The following MPPED2 variants were observed in gnomAD, a reference collection of about 807,000 sequenced individuals.
MPPED2 encodes metallophosphoesterase domain containing 2.
Under a neutral mutation model 33.0 loss-of-function variants are expected in MPPED2, and 5 were observed. The ratio of observed to expected loss-of-function variants is 0.15; its 90% CI spans 0.08 to 0.32. The LOEUF (loss-of-function observed/expected upper bound fraction) is 0.32, where lower values mean the gene tolerates loss of function less well. Ranked by LOEUF, MPPED2 falls within the 10% of genes least tolerant of loss-of-function variation. The pLI is 1.00. For synonymous variants in MPPED2, 136 were observed against 141.9 expected (o/e 0.96, Z 0.29); for missense variants, 275 against 372.1 (o/e 0.74, Z 2.15).
At chr11:30,516,478 AAAC>A (rs1485345119) in intron 3 of MPPED2, among the ~76,000 whole-genome samples, 4 of 152,212 alleles carry the variant, frequency 2.6e-5, no homozygotes, top group African/African-American at 9.6e-5. Context: ...ACTGGAATGA[AAAC>A]AGTTAATTAT....
At chr11:30,555,621 C>T (rs910618759) in intron 2 of MPPED2, among the ~76,000 whole-genome samples, 1 of 152,106 alleles carries the variant, frequency 6.6e-6, no homozygotes, top group Non-Finnish European at 1.5e-5. Flanking sequence ...AAGGGCAGAC[C>T]CCCTGCACAT....
chr11:30,402,850 TCAGAACA>T (rs1156589887), intron 6 of MPPED2, among the ~76,000 whole-genome samples: 1 of 152,210 alleles, frequency 6.6e-6, no homozygotes, highest in Non-Finnish European at 1.5e-5. Flanking sequence ...TTTCTGAATC[TCAGAACA>T]CAGATTCCAT....
chr11:30,411,665 AC>A, intron 6 of MPPED2, 79 bp from the exon 7 acceptor site: 3 of 1,339,080 alleles, frequency 2.2e-6, no homozygotes, highest in Non-Finnish European at 3.0e-6. Context: ...GGCAAGGAAA[AC>A]AAAAAATTTT....
intron 6 of MPPED2, chr11:30,388,978 A>C (rs763478456): frequency 6.5e-7 from 1 of 1,544,950 alleles, no homozygotes; most frequent in Non-Finnish European, 8.7e-7. Context: ...AGAGAGAAAG[A>C]GAGAGGGAGA....
intron 4 of MPPED2, among the ~76,000 whole-genome samples, chr11:30,446,151 G>A (rs188919544): frequency 6.6e-6 from 1 of 152,200 alleles, no homozygotes; most frequent in Non-Finnish European, 1.5e-5. Flanking sequence ...TAGCTTTGCA[G>A]GCAAAGTCAA....
intron 6 of MPPED2, among the ~76,000 whole-genome samples, chr11:30,401,692 G>T (rs910162483): frequency 6.6e-6 from 1 of 151,982 alleles, no homozygotes; most frequent in Non-Finnish European, 1.5e-5. Context: ...TTTTTTGTTT[G>T]TTTGAGACGG....
intron 2 of MPPED2, among the ~76,000 whole-genome samples, chr11:30,553,023 G>A (rs189680171): frequency 1.2e-3 from 178 of 152,132 alleles, no homozygotes; most frequent in African/African-American, 4.1e-3. Flanking sequence ...CGACAGGCCC[G>A]GCCACCCACG....
intron 2 of MPPED2, among the ~76,000 whole-genome samples, chr11:30,554,751 T>G (rs1394061241): frequency 6.6e-6 from 1 of 152,156 alleles, no homozygotes; most frequent in Non-Finnish European, 1.5e-5. Flanking sequence ...TACCTTGGCC[T>G]CCCAAAGTGC....
Position 30,419,088 on chromosome 11 carries a change from A to T in MPPED2, c.537-1455T>A, listed in dbSNP as rs562567893. 2.6e-4 allele frequency among the ~76,000 whole-genome samples: 39 copies of T among 152,306 alleles called. No individual in the cohort carries two copies. The South Asian group carries it at 2.9e-3, about 11-fold the overall frequency. ...TGCCCGGGGTGCTTGCTTATAATAGAAATAAGAATATGAGGAGAATAATTA... is the reference window on the plus strand; with the variant it reads ...TGCCCGGGGTGCTTGCTTATAATAGTAATAAGAATATGAGGAGAATAATTA... On this transcript the variant is annotated intron_variant, in intron 4 of 6. Transcript: ENST00000358117.
At chr11:30,399,273 A>T (rs1256985701) in intron 6 of MPPED2, among the ~76,000 whole-genome samples, 1 of 152,162 alleles carries the variant, frequency 6.6e-6, no homozygotes, top group Non-Finnish European at 1.5e-5. Flanking sequence ...TTAATTTTTC[A>T]TGCTGCATCC....
intron 4 of MPPED2, among the ~76,000 whole-genome samples, chr11:30,475,986 C>T (rs2134089317): frequency 6.6e-6 from 1 of 152,176 alleles, no homozygotes; most frequent in African/African-American, 2.4e-5. Flanking sequence ...TGCATTTCAG[C>T]CATGACTAAT....
chr11:30,478,320 ATT>A (rs1213508633), intron 4 of MPPED2, among the ~76,000 whole-genome samples: 6 of 152,138 alleles, frequency 3.9e-5, no homozygotes, highest in African/African-American at 1.4e-4. Context: ...ATAACTATAT[ATT>A]GTTTAGATGT....
chr11:30,574,098 T>C (rs1418436540), intron 2 of MPPED2, among the ~76,000 whole-genome samples: 1 of 152,198 alleles, frequency 6.6e-6, no homozygotes, highest in Non-Finnish European at 1.5e-5. Flanking sequence ...AGACTGTTTA[T>C]AAAGCCTACA....
chr11:30,480,006 C>T (rs1452909540), intron 4 of MPPED2, among the ~76,000 whole-genome samples: 4 of 152,018 alleles, frequency 2.6e-5, no homozygotes, highest in African/African-American at 9.7e-5. Flanking sequence ...AGATATGCAC[C>T]AAAGGAATCA....
At chr11:30,415,557 T>C (rs1322246039) in intron 5 of MPPED2, among the ~76,000 whole-genome samples, 2 of 152,182 alleles carry the variant, frequency 1.3e-5, no homozygotes, top group Non-Finnish European at 2.9e-5. Flanking sequence ...TGTCACGTTT[T>C]CACAAGAATC....
At chr11:30,550,034 A>C (rs1488143626) in intron 2 of MPPED2, among the ~76,000 whole-genome samples, 1 of 152,184 alleles carries the variant, frequency 6.6e-6, no homozygotes, top group African/African-American at 2.4e-5. Flanking sequence ...TCAAGCCTTC[A>C]GATTTGCTTT....
chr11:30,549,699 G>A (rs1955607355), intron 2 of MPPED2, among the ~76,000 whole-genome samples: 1 of 152,122 alleles, frequency 6.6e-6, no homozygotes, highest in African/African-American at 2.4e-5. Flanking sequence ...TACTCCCTGT[G>A]CCCTACTATT....
chr11:30,423,544 G>A (rs186758555), intron 4 of MPPED2, among the ~76,000 whole-genome samples: 195 of 152,286 alleles, frequency 1.3e-3, no homozygotes, highest in African/African-American at 4.5e-3. Flanking sequence ...AGCACCTGCA[G>A]GCTCTTTAAA....
intron 3 of MPPED2, among the ~76,000 whole-genome samples, chr11:30,524,542 A>T (rs1954061502): frequency 6.6e-6 from 1 of 152,234 alleles, no homozygotes; most frequent in Non-Finnish European, 1.5e-5. Context: ...AGCATCAACC[A>T]GCCTCAGAGT....
Sources: gnomAD v4.1 joint callset for allele counts (sites outside exome capture counted in the v4.1 genomes callset) on GRCh38, gnomAD v4.1.1 for gene constraint, MANE v1.5 for transcripts, NCBI Gene and HGNC (gene_info 2026-07-23, HGNC 2026-07-21) for gene names.